LIPG: variants seen among roughly 807,000 people sequenced by gnomAD.
The protein encoded by LIPG is lipase G, endothelial type, also known as endothelial lipase.
LIPG carries 34 observed loss-of-function variants against 51.8 expected under a neutral mutation model. That is an observed-to-expected ratio of 0.66 (90% CI 0.50 to 0.87). The LOEUF (loss-of-function observed/expected upper bound fraction) is 0.87, where lower values mean the gene tolerates loss of function less well. Ranked by LOEUF, LIPG falls within the 40% of genes least tolerant of loss-of-function variation. The pLI is 0.00. For synonymous variants in LIPG, 246 were observed against 246.1 expected (o/e 1.00, Z 0.00); for missense variants, 580 against 652.7 (o/e 0.89, Z 1.21).
chr18:49,577,661 TCC>T, intron 5 of LIPG, among the ~76,000 whole-genome samples: 1 of 106,266 alleles, frequency 9.4e-6, no homozygotes, highest in African/African-American at 3.7e-5. Flanking sequence ...CCCCCCCACC[TCC>T]CTCCCGGACG....
chr18:49,573,361 G>A (rs1224695910), intron 4 of LIPG, among the ~76,000 whole-genome samples: 1 of 152,104 alleles, frequency 6.6e-6, no homozygotes, highest in Non-Finnish European at 1.5e-5. Context: ...TTTGGGTCCT[G>A]GGCTAGGGAT....
rs1458213789 is a variant in LIPG, at chr18:49,591,028, CACTGACCAT to C, written c.*511_*519del. ...TAGCTGTTGGGGTTCTCATGGGTTG[CACTGACCAT>C]ACTGCTTACGTCTTAGCCATTCCGT... On this transcript the variant is annotated 3_prime_UTR_variant, in exon 10 of 10. Coordinates refer to ENST00000261292, the MANE Select transcript of LIPG (RefSeq NM_006033.4). 2 of 236,298 alleles carry C rather than the reference CACTGACCAT, an allele frequency of 8.5e-6. No individual in the cohort carries two copies. Among genetic ancestry groups the C allele is most frequent in the Non-Finnish European group, 1.7e-5 (2 of 118,156 alleles). 14.6% of individuals were successfully genotyped at this position (236,298 alleles called of 1,614,324 possible).
rs145437025 is a variant in LIPG, at chr18:49,569,532, G to A, written c.555G>A (p.Thr185=). ...AGYAGNFVKG[T]VGRITGLDPA... is the part of the protein sequence containing the mutation. The stretch of plus-strand genomic sequence containing the variant: ...ATGCAGGCAACTTCGTGAAAGGAAC[G>A]GTGGGCCGAATCACAGGTGAGCTCC... Residue 185 remains threonine (T), a synonymous_variant, in exon 4 of 10, where the codon ACG becomes ACA. Transcript: ENST00000261292. 8 of 1,613,740 alleles carry A rather than the reference G, an allele frequency of 5.0e-6. No homozygotes were observed. The African/African-American group carries it at 5.3e-5, about 11-fold the overall frequency.
chr18:49,576,608 G>T (rs927463957), intron 5 of LIPG, among the ~76,000 whole-genome samples: 1 of 151,208 alleles, frequency 6.6e-6, no homozygotes, highest in Non-Finnish European at 1.5e-5. Context: ...GGGATTACAG[G>T]CCCCCACCAC....
intron 5 of LIPG, among the ~76,000 whole-genome samples, chr18:49,578,621 G>A (rs1302296789): frequency 0.011 from 1,709 of 151,648 alleles, 30 homozygotes; most frequent in African/African-American, 0.039. Flanking sequence ...CAGATGGGGT[G>A]GCGGCCGGGC....
chr18:49,573,464 C>T (rs1185708816), intron 4 of LIPG, among the ~76,000 whole-genome samples: 2 of 151,880 alleles, frequency 1.3e-5, no homozygotes, highest in Non-Finnish European at 2.9e-5. Context: ...CCTGTAATCC[C>T]AGCTACTCAG....
intron 4 of LIPG, among the ~76,000 whole-genome samples, chr18:49,573,331 T>G (rs923929122): frequency 3.3e-5 from 5 of 152,218 alleles, no homozygotes; most frequent in African/African-American, 1.2e-4. Context: ...GGGAGCACAC[T>G]GCTTTTGTGC....
Position 49,579,749 on chromosome 18 carries a change from C to CT in LIPG, c.794-1663dup, listed in dbSNP as rs1568533386. On this transcript the variant is annotated intron_variant, in intron 5 of 9. Coordinates refer to ENST00000261292, the MANE Select transcript of LIPG (RefSeq NM_006033.4). Reference sequence around the variant, plus strand: ...AATATAGGATGATGGCCTTTCTTTCCTTTCCTTTCCTTTCCTTTCTTTTCT... The same window carrying CT: ...AATATAGGATGATGGCCTTTCTTTCCTTTTCCTTTCCTTTCCTTTCTTTTCT... 3.6e-3 allele frequency among the ~76,000 whole-genome samples: 451 copies of CT among 124,160 alleles called. 19 individuals are homozygous for CT. The highest frequency in any genetic ancestry group is 0.014 in the African/African-American group (368 of 25,862). The allele number at this position is 124,160 out of a possible 152,430, so 81.5% of individuals were successfully genotyped here.
intron 2 of LIPG, among the ~76,000 whole-genome samples, chr18:49,566,506 A>G (rs564096434): frequency 2.6e-5 from 4 of 152,340 alleles, no homozygotes; most frequent in East Asian, 3.9e-4. Flanking sequence ...CAGGCTAGGC[A>G]CAGAAAATCT....
At chr18:49,583,921 T>A (rs2084854736) in intron 8 of LIPG, 147 bp downstream of exon 8, 1 of 712,466 alleles carries the variant, frequency 1.4e-6, no homozygotes, top group Admixed American at 2.7e-5. Context: ...CAAGGACAAG[T>A]GACTTCCAGA....
rs745417719 is a variant in LIPG, at chr18:49,583,657, C to T, written c.1259C>T (p.Ser420Phe). Residue 420 changes from serine to phenylalanine, a missense_variant, in exon 8 of 10, where the codon TCT becomes TTT. By Grantham distance (155) the Ser-to-Phe change is radical (BLOSUM62 -2). Coordinates refer to ENST00000261292, the MANE Select transcript of LIPG (RefSeq NM_006033.4). ...ATCCAGCTCACCTGGGAGGGGGCCT[C>T]TCAGTCTTGGTACAACCTGTGGAAG... Reference protein sequence around the residue: ...LKIQLTWEGASQSWYNLWKEF... With the variant: ...LKIQLTWEGAFQSWYNLWKEF... 1.2e-6 allele frequency: 2 copies of T among 1,614,228 alleles called. No homozygotes were observed. Among genetic ancestry groups the T allele is most frequent in the South Asian group, 2.2e-5 (2 of 91,086 alleles).
At position 49,598,012 on chromosome 18, in the gene LIPG, T is replaced by A. The variant is rs1429642214; in HGVS notation, c.*7490T>A. 1 of 152,238 alleles carries A rather than the reference T, an allele frequency of 6.6e-6. No homozygotes were observed. The highest frequency in any genetic ancestry group is 1.9e-4 in the East Asian group (1 of 5,198). The allele number at this position is 152,238 out of a possible 1,614,324, so 9.4% of individuals were successfully genotyped here. ...CATTTTCATTTTCCTGCCAGAGATGTCAGTCTTACTATTCATCCTGTATCC... is the reference window on the plus strand; with the variant it reads ...CATTTTCATTTTCCTGCCAGAGATGACAGTCTTACTATTCATCCTGTATCC... On this transcript the variant is annotated 3_prime_UTR_variant, in exon 10 of 10. Transcript: ENST00000261292.
chr18:49,567,609 C>G lies in LIPG; in HGVS notation c.447C>G (p.Leu149=). The change falls in exon 3 of 10, where the codon CTC becomes CTG. Residue 149 remains leucine, a synonymous_variant. Coordinates refer to ENST00000261292, the MANE Select transcript of LIPG (RefSeq NM_006033.4). ...TGGGACACAGCATTGCCAGGATGCT[C>G]GACTGGCTGCAGGTACTGGGGGATG... The part of the protein sequence containing the change: ...RVVGHSIARM[L]DWLQEKDDFS... 1 of 1,613,900 alleles carries G rather than the reference C, an allele frequency of 6.2e-7. No homozygotes were observed. The highest frequency in any genetic ancestry group is 8.5e-7 in the Non-Finnish European group (1 of 1,179,976).
intron 4 of LIPG, among the ~76,000 whole-genome samples, chr18:49,570,573 A>G (rs1384837506): frequency 2.0e-5 from 3 of 152,288 alleles, no homozygotes; most frequent in Admixed American, 6.5e-5. Context: ...GCTCACACCT[A>G]TAATCCCAGC....
At chr18:49,583,982 C>A (rs1412296308) in intron 8 of LIPG, among the ~76,000 whole-genome samples, 2 of 152,194 alleles carry the variant, frequency 1.3e-5, no homozygotes, top group Non-Finnish European at 2.9e-5. Flanking sequence ...AACATGGGCC[C>A]TCAGGGAGAC....
intron 9 of LIPG, 73 bp from the exon 10 acceptor site, chr18:49,590,428 C>T (rs1160610862): frequency 3.3e-6 from 5 of 1,512,166 alleles, no homozygotes; most frequent in Non-Finnish European, 4.5e-6. Context: ...CAAAAGAGCA[C>T]ACCCTGAATA....
chr18:49,582,815 T>C (rs1271272939), intron 7 of LIPG, among the ~76,000 whole-genome samples: 2 of 152,254 alleles, frequency 1.3e-5, no homozygotes, highest in Non-Finnish European at 2.9e-5. Context: ...TGTAACTTCG[T>C]AAACGTCATC....
Position 49,562,058 on chromosome 18 carries a change from G to A in LIPG, c.-251G>A, listed in dbSNP as rs2084555162. 9 of 1,439,820 alleles carry A rather than the reference G, an allele frequency of 6.3e-6. No homozygotes were observed. In the South Asian group the frequency reaches 1.4e-4, roughly 22 times the overall value. The allele number at this position is 1,439,820 out of a possible 1,614,324, so 89.2% of individuals were successfully genotyped here. A position where few individuals can be genotyped will look rare whatever the true frequency, so the allele number is the denominator to read the frequency against. ...AAACTACCTCTATAGGAGCGTGACA[G>A]CAGCGAGTCCTTGCCTCCCGGCGGC... On this transcript the variant is annotated 5_prime_UTR_variant, in exon 1 of 10. Transcript: ENST00000261292.
intron 4 of LIPG, among the ~76,000 whole-genome samples, chr18:49,573,426 T>C (rs1056016488): frequency 6.6e-6 from 1 of 151,960 alleles, no homozygotes; most frequent in Non-Finnish European, 1.5e-5. Context: ...TAAAGTTATC[T>C]AAATTTGGCT....
Sources: gnomAD v4.1 joint callset for allele counts (sites outside exome capture counted in the v4.1 genomes callset) on GRCh38, gnomAD v4.1.1 for gene constraint, MANE v1.5 for transcripts, NCBI Gene and HGNC (gene_info 2026-07-23, HGNC 2026-07-21) for gene names.